Variants in PIP4K2A observed in about 807,000 individuals in gnomAD.
PIP4K2A encodes the protein phosphatidylinositol-5-phosphate 4-kinase type 2 alpha.
PIP4K2A carries 14 observed loss-of-function variants against 42.9 expected under a neutral mutation model. The observed-to-expected ratio is 0.33, with a 90% CI of 0.22 to 0.51. PIP4K2A has a LOEUF of 0.51. PIP4K2A is among the 20% of genes least tolerant of loss of function. The pLI is 0.97. For synonymous variants in PIP4K2A, 192 were observed against 192.2 expected (o/e 1.00, Z 0.01); for missense variants, 434 against 519.8 (o/e 0.83, Z 1.61).
intron 1 of PIP4K2A, among the ~76,000 whole-genome samples, chr10:22,697,760 A>G (rs180985663): frequency 1.0e-4 from 15 of 150,502 alleles, no homozygotes; most frequent in African/African-American, 3.2e-4. Flanking sequence ...ACACACATAC[A>G]CACACACACA....
intron 7 of PIP4K2A, among the ~76,000 whole-genome samples, 184 bp downstream of exon 7, chr10:22,550,472 ACTG>A (rs1836378880): frequency 6.6e-6 from 1 of 152,160 alleles, no homozygotes; most frequent in Admixed American, 6.6e-5. Context: ...GGGCTGCTAA[ACTG>A]GCATGCGTTT....
At chr10:22,714,131 GGAGGAA>G in intron 1 of PIP4K2A, 46 bp downstream of exon 1, 1 of 1,532,168 alleles carries the variant, frequency 6.5e-7, no homozygotes, top group Non-Finnish European at 8.8e-7. Flanking sequence ...AGGGGAACGA[GGAGGAA>G]GAGGAGGAGG....
At chr10:22,632,335 T>C (rs1400614991) in intron 1 of PIP4K2A, among the ~76,000 whole-genome samples, 2 of 152,236 alleles carry the variant, frequency 1.3e-5, no homozygotes, top group Non-Finnish European at 2.9e-5. Flanking sequence ...GTGAAGGCCA[T>C]ATGGGAGTTC....
chr10:22,699,989 C>T (rs1013232613), intron 1 of PIP4K2A, among the ~76,000 whole-genome samples: 1 of 152,146 alleles, frequency 6.6e-6, no homozygotes, highest in Non-Finnish European at 1.5e-5. Context: ...GGAAGGAATA[C>T]AAGGAGTAAC....
At chr10:22,701,753 A>T (rs921587994) in intron 1 of PIP4K2A, among the ~76,000 whole-genome samples, 1 of 152,218 alleles carries the variant, frequency 6.6e-6, no homozygotes, top group African/African-American at 2.4e-5. Flanking sequence ...AAGGCATGAA[A>T]GAGTTGGAAG....
At chr10:22,571,617 T>C (rs1354901457) in intron 5 of PIP4K2A, among the ~76,000 whole-genome samples, 2 of 152,218 alleles carry the variant, frequency 1.3e-5, no homozygotes, top group Non-Finnish European at 2.9e-5. Context: ...TGGATTTCGA[T>C]GAAGAGTACA....
At chr10:22,623,408 G>C (rs909324821) in intron 1 of PIP4K2A, among the ~76,000 whole-genome samples, 6 of 152,164 alleles carry the variant, frequency 3.9e-5, no homozygotes, top group Admixed American at 3.3e-4. Flanking sequence ...CAGCTCTAAG[G>C]CAAGGGTCGC....
chr10:22,595,468 T>C (rs571441474), intron 3 of PIP4K2A, among the ~76,000 whole-genome samples: 1 of 152,334 alleles, frequency 6.6e-6, no homozygotes, highest in Admixed American at 6.5e-5. Flanking sequence ...AGCAGACATG[T>C]GTTTTTAAAG....
intron 4 of PIP4K2A, among the ~76,000 whole-genome samples, chr10:22,577,392 T>A (rs1226701423): frequency 6.6e-6 from 1 of 151,940 alleles, no homozygotes; most frequent in Admixed American, 6.6e-5. Flanking sequence ...TGGGGGTGGG[T>A]CCCTCATAAA....
At chr10:22,633,539 G>A (rs1409422364) in intron 1 of PIP4K2A, among the ~76,000 whole-genome samples, 1 of 152,106 alleles carries the variant, frequency 6.6e-6, no homozygotes, top group Non-Finnish European at 1.5e-5. Flanking sequence ...TTCAGGATAG[G>A]CTGGAACTTT....
At chr10:22,542,717 T>A (rs1472635869) in intron 7 of PIP4K2A, among the ~76,000 whole-genome samples, 1 of 152,246 alleles carries the variant, frequency 6.6e-6, no homozygotes, top group Non-Finnish European at 1.5e-5. Context: ...TGGCTACTCC[T>A]GTCTGCCCAG....
chr10:22,569,600 C>T (rs1191146424), intron 5 of PIP4K2A, among the ~76,000 whole-genome samples: 1 of 152,140 alleles, frequency 6.6e-6, no homozygotes, highest in African/African-American at 2.4e-5. Flanking sequence ...ATGCTGGGAA[C>T]AGGAAGAAAC....
At chr10:22,710,100 T>C (rs553761989) in intron 1 of PIP4K2A, among the ~76,000 whole-genome samples, 1 of 150,916 alleles carries the variant, frequency 6.6e-6, no homozygotes, top group South Asian at 2.1e-4. Context: ...GTATCCAATA[T>C]GGTCTTTGTC....
chr10:22,661,485 T>G (rs944342052), intron 1 of PIP4K2A, among the ~76,000 whole-genome samples: 1 of 151,784 alleles, frequency 6.6e-6, no homozygotes, highest in Non-Finnish European at 1.5e-5. Flanking sequence ...GTCTTCTGGG[T>G]AGCTGGACCA....
intron 1 of PIP4K2A, among the ~76,000 whole-genome samples, chr10:22,710,887 A>C (rs73598598): frequency 0.035 from 5,393 of 152,322 alleles, 322 homozygotes; most frequent in African/African-American, 0.12. Context: ...AATTTCTAAA[A>C]GGCTCACATT....
intron 6 of PIP4K2A, among the ~76,000 whole-genome samples, chr10:22,557,404 A>C (rs1836580468): frequency 6.6e-6 from 1 of 152,220 alleles, no homozygotes; most frequent in Non-Finnish European, 1.5e-5. Flanking sequence ...CTTTTGCAGA[A>C]TCTCTAAAAC....
intron 4 of PIP4K2A, among the ~76,000 whole-genome samples, chr10:22,578,663 T>G (rs902946218): frequency 6.6e-5 from 10 of 152,224 alleles, no homozygotes; most frequent in African/African-American, 2.4e-4. Flanking sequence ...CATTTCTATC[T>G]GCGTCTCGAT....
chr10:22,569,379 CA>C (rs2130789838), intron 5 of PIP4K2A, among the ~76,000 whole-genome samples: 1 of 152,290 alleles, frequency 6.6e-6, no homozygotes, highest in African/African-American at 2.4e-5. Flanking sequence ...TTCATGAAGG[CA>C]AACCTGAGAA....
At chr10:22,557,993 T>A (rs1026530269) in intron 6 of PIP4K2A, among the ~76,000 whole-genome samples, 5 of 152,244 alleles carry the variant, frequency 3.3e-5, no homozygotes, top group African/African-American at 1.2e-4. Flanking sequence ...CATAGTACTC[T>A]GTGATTAAAG....
Sources: allele counts gnomAD v4.1 joint callset (sites outside exome capture counted in the v4.1 genomes callset), GRCh38; gene constraint gnomAD v4.1.1; transcripts MANE v1.5; gene names NCBI Gene and HGNC (gene_info 2026-07-23, HGNC 2026-07-21).